Variants in BCAS3 observed in about 807,000 individuals in gnomAD.
BCAS3 encodes BCAS4/BCAS3 fusion.
In BCAS3, 53 loss-of-function variants were observed where a neutral mutation model predicts 116.1. That is an observed-to-expected ratio of 0.46 (90% CI 0.37 to 0.57). The LOEUF is 0.57. BCAS3 is among the 20% of genes least tolerant of loss of function. BCAS3 has a pLI of 0.00. For missense variants in BCAS3, 917 were observed against 1,165.4 expected (o/e 0.79, Z 3.10); for synonymous variants, 391 against 408.2 (o/e 0.96, Z 0.51).
At position 61,261,368 on chromosome 17, in the gene BCAS3, C is replaced by G. The variant is rs781132385; in HGVS notation, c.2426-106959C>G. Among the ~76,000 whole-genome samples the G allele has an allele frequency of 6.6e-6, 1 of 152,110 alleles. No homozygotes were observed. Among genetic ancestry groups the G allele is most frequent in the Non-Finnish European group, 1.5e-5 (1 of 68,012 alleles). On this transcript the variant is annotated intron_variant, in intron 22 of 23. Transcript: ENST00000407086. The surrounding 1 kb of genome is among the most constrained non-coding windows in gnomAD (Gnocchi z 4.4). ...CTTATTCTCTGCTGCAGGATGCTAC[C>G]CCCTGACCCTTTATAAGTCAGCCTT...
chr17:60,727,103 AGG>A (rs1970978012), intron 5 of BCAS3: 2 of 416,228 alleles, frequency 4.8e-6, no homozygotes, highest in Non-Finnish European at 8.8e-6. Flanking sequence ...ATTTTCTCTC[AGG>A]TAATTTTTCT....
chr17:60,768,860 A>C (rs1162566236), intron 6 of BCAS3, among the ~76,000 whole-genome samples: 1 of 152,178 alleles, frequency 6.6e-6, no homozygotes, highest in East Asian at 1.9e-4. Context: ...CTTGTTTAGC[A>C]GTGGTGGGCC....
At chr17:61,301,817 G>A (rs2053468245) in intron 22 of BCAS3, among the ~76,000 whole-genome samples, 2 of 152,054 alleles carry the variant, frequency 1.3e-5, no homozygotes, top group South Asian at 4.2e-4. Context: ...ATCTCATGGA[G>A]GCCTGTGGAC....
chr17:61,210,863 T>G (rs2081418043), intron 22 of BCAS3, among the ~76,000 whole-genome samples: 1 of 152,146 alleles, frequency 6.6e-6, no homozygotes, highest in Admixed American at 6.5e-5. Flanking sequence ...TTTTCTTTTT[T>G]GCAGATACCT....
rs114758248 is a variant in BCAS3 at position 61,217,637 on chromosome 17, T to C, written c.2425+133073T>C. On this transcript the variant is annotated intron_variant, in intron 22 of 23. Transcript: ENST00000407086. This position sits in a 1 kb window ranked among gnomAD's most constrained non-coding sequence, Gnocchi z 5.2. Reference sequence around the variant, plus strand: ...GGGCATATTCCCAGGACCTAGACACTCCAAAAGTCTGCATTTTTATCCTGT... The same window carrying C: ...GGGCATATTCCCAGGACCTAGACACCCCAAAAGTCTGCATTTTTATCCTGT... Among the ~76,000 whole-genome samples, 375 of 152,090 alleles carry C rather than the reference T, an allele frequency of 2.5e-3. 2 individuals are homozygous for C. The highest frequency in any genetic ancestry group is 8.8e-3 in the African/African-American group (364 of 41,518).
At chr17:61,049,754 C>T (rs1271954212) in intron 19 of BCAS3, among the ~76,000 whole-genome samples, 9 of 114,346 alleles carry the variant, frequency 7.9e-5, no homozygotes, top group African/African-American at 1.1e-4. Flanking sequence ...TTTTTTGAGA[C>T]GGAGTTTCAC....
rs953969668 is a variant in BCAS3 at position 61,037,909 on chromosome 17, G to A, written c.1783G>A (p.Val595Ile). ...TGTAGATCAGTCCAAACAAGTTGTA[G>A]TTGAGTCCCTGTACATTATCAGTTG... is the stretch of plus-strand genomic sequence containing the variant. ...REKDQSKQVV[V>I]ESLYIISCYG... Residue 595 changes from valine (V) to isoleucine (I), a missense_variant, in exon 18 of 24, where the codon GTT becomes ATT. Physicochemically the swap from Val to Ile is conservative, Grantham distance 29. Around this residue, in one of 3 missense-constraint regions of BCAS3, gnomAD observed 807 missense variants for 1,026.0 expected, o/e 0.79. Coordinates refer to ENST00000407086, the MANE Select transcript of BCAS3 (RefSeq NM_017679.5). The surrounding 1 kb of genome is among the most constrained non-coding windows in gnomAD (Gnocchi z 4.7). The A allele has an allele frequency of 1.2e-6, 2 of 1,614,022 alleles. No homozygotes were observed. Among genetic ancestry groups the A allele is most frequent in the African/African-American group, 1.3e-5 (1 of 75,008 alleles).
intron 22 of BCAS3, among the ~76,000 whole-genome samples, chr17:61,338,292 C>T (rs143244146): frequency 6.6e-6 from 1 of 152,308 alleles, no homozygotes; most frequent in African/African-American, 2.4e-5. Flanking sequence ...TTTTTGGCCA[C>T]CGCTCTCAAA....
At position 61,203,638 on chromosome 17, in the gene BCAS3, A is replaced by C. The variant is rs1436488714; in HGVS notation, c.2425+119074A>C. 6.6e-6 allele frequency among the ~76,000 whole-genome samples: 1 copy of C among 152,198 alleles called. No homozygotes were observed. The highest frequency in any genetic ancestry group is 1.5e-5 in the Non-Finnish European group (1 of 68,040). On this transcript the variant is annotated intron_variant, in intron 22 of 23. Coordinates refer to ENST00000407086, the MANE Select transcript of BCAS3 (RefSeq NM_017679.5). The surrounding 1 kb of genome is among the most constrained non-coding windows in gnomAD (Gnocchi z 5.7). ...ATCAAAAAACACTTGATATTTTTAA[A>C]TTCGTGGAAACTTTGAGCTACATAT... is the stretch of plus-strand genomic sequence containing the variant.
intron 6 of BCAS3, among the ~76,000 whole-genome samples, chr17:60,788,372 G>A (rs999171159): frequency 3.9e-5 from 6 of 152,238 alleles, no homozygotes; most frequent in Middle Eastern, 3.4e-3. Flanking sequence ...GCTTTTTAAG[G>A]TCTGATGAGT....
intron 19 of BCAS3, chr17:61,069,834 TAAAAAAAAAA>T (rs746344496): frequency 4.9e-6 from 3 of 606,116 alleles, no homozygotes; most frequent in East Asian, 2.8e-5. Context: ...AGACCCTGTG[TAAAAAAAAAA>T]AAAAAAAAAA....
chr17:60,973,992 C>T (rs2062139039), intron 14 of BCAS3, among the ~76,000 whole-genome samples: 1 of 152,096 alleles, frequency 6.6e-6, no homozygotes, highest in Non-Finnish European at 1.5e-5. Context: ...TGATCAGTAC[C>T]AGAGTTATTA....
chr17:60,963,265 G>T (rs571024156), intron 14 of BCAS3, among the ~76,000 whole-genome samples: 1 of 151,290 alleles, frequency 6.6e-6, no homozygotes, highest in Non-Finnish European at 1.5e-5. Context: ...TCCTATTTCT[G>T]TAAGAATGTT....
chr17:61,242,131 C>T (rs898668475), intron 22 of BCAS3, among the ~76,000 whole-genome samples: 2 of 152,126 alleles, frequency 1.3e-5, no homozygotes, highest in Non-Finnish European at 2.9e-5. Flanking sequence ...ACAAAATTAA[C>T]TGGGCGTGGT....
intron 22 of BCAS3, among the ~76,000 whole-genome samples, chr17:61,308,080 G>A (rs1036853045): frequency 1.3e-5 from 2 of 152,108 alleles, no homozygotes; most frequent in Admixed American, 6.5e-5. Flanking sequence ...TGGGAATTCG[G>A]GTCAGAAACT....
intron 22 of BCAS3, among the ~76,000 whole-genome samples, chr17:61,287,433 A>G (rs1225360627): frequency 1.3e-5 from 2 of 151,412 alleles, no homozygotes; most frequent in Non-Finnish European, 2.9e-5. Flanking sequence ...CTGTTCCAAG[A>G]AAGTGTACTT....
chr17:60,851,559 T>A, intron 7 of BCAS3: 1 of 619,328 alleles, frequency 1.6e-6, no homozygotes, highest in South Asian at 1.7e-5. Flanking sequence ...ACGGGGTGAA[T>A]AATTTCTACC....
rs2065739092 is a variant in BCAS3 at position 61,019,634 on chromosome 17, A to G, written c.1637+3733A>G. Among the ~76,000 whole-genome samples, 1 of 152,164 alleles carries G rather than the reference A, an allele frequency of 6.6e-6. No individual in the cohort carries two copies. Among genetic ancestry groups the G allele is most frequent in the Non-Finnish European group, 1.5e-5 (1 of 68,022 alleles). On this transcript the variant is annotated intron_variant, in intron 16 of 23. Transcript: ENST00000407086. This position sits in a 1 kb window ranked among gnomAD's most constrained non-coding sequence, Gnocchi z 5.6. The stretch of plus-strand genomic sequence containing the variant: ...AGTTTTGAAACAAATCTCAGACAAT[A>G]TTTCATCCCATTAGCTTTCATCCTA...
chr17:60,858,907 A>G (rs1013967273), intron 7 of BCAS3, among the ~76,000 whole-genome samples: 1 of 152,138 alleles, frequency 6.6e-6, no homozygotes. Context: ...GTATCTTTAA[A>G]CATATTAGGG....
Sources: allele counts gnomAD v4.1 joint callset (sites outside exome capture counted in the v4.1 genomes callset), GRCh38; gene constraint gnomAD v4.1.1; regional missense constraint gnomAD v4.1.1; non-coding constraint Gnocchi (gnomAD v3.1); transcripts MANE v1.5; gene names NCBI Gene and HGNC (gene_info 2026-07-23, HGNC 2026-07-21).